TMOD3: variants seen among roughly 807,000 people sequenced by gnomAD.
TMOD3 encodes tropomodulin-3.
A neutral mutation model predicts 39.2 loss-of-function variants in TMOD3; 20 were observed. The observed-to-expected ratio is 0.51, with a 90% confidence interval of 0.36 to 0.74. The LOEUF is 0.74. Among genes scored for constraint, TMOD3 ranks in the 30% least tolerant of loss-of-function variants. The pLI is 0.00. For missense variants in TMOD3, 381 were observed against 412.8 expected, an observed-to-expected ratio of 0.92 and a Z score of 0.67; for synonymous variants, 143 against 145.8, an observed-to-expected ratio of 0.98 and a Z score of 0.14.
rs554561838 is a variant in TMOD3 at position 51,894,514 on chromosome 15, C to T, written c.627+569C>T. On this transcript the variant is annotated intron_variant, in intron 6 of 9. Transcript: ENST00000308580. Reference sequence around the variant, plus strand: ...ATACAATTTTGTACAACCACCATTACACTCAAGATATAGAATATATCTGTC... The same window carrying T: ...ATACAATTTTGTACAACCACCATTATACTCAAGATATAGAATATATCTGTC... 5.9e-5 allele frequency among the ~76,000 whole-genome samples: 9 copies of T among 152,290 alleles called. No individual in the cohort carries two copies. The East Asian group carries it at 1.7e-3, about 29-fold the overall frequency.
At position 51,872,600 on chromosome 15, in the gene TMOD3, G is replaced by GTTT. The variant is rs58973705; in HGVS notation, c.283+3239_283+3241dup. On this transcript the variant is annotated intron_variant, in intron 3 of 9. Coordinates refer to ENST00000308580, the MANE Select transcript of TMOD3 (RefSeq NM_014547.5). ...TATATTTTTTGTGAGGACCAAATTTGTTTTTTTTTTTTTTGGTTTGGTTTT... is the reference window on the plus strand; with the variant it reads ...TATATTTTTTGTGAGGACCAAATTTGTTTTTTTTTTTTTTTTTGGTTTGGTTTT... Among the ~76,000 whole-genome samples the GTTT allele has an allele frequency of 1.8e-3, 232 of 129,874 alleles. 22 individuals carry two copies. Among genetic ancestry groups the GTTT allele is most frequent in the East Asian group, 9.4e-3 (42 of 4,470 alleles). 85.2% of individuals were successfully genotyped at this position (129,874 alleles called of 152,430 possible).
intron 1 of TMOD3, among the ~76,000 whole-genome samples, chr15:51,832,292 G>A (rs978287916): frequency 3.4e-5 from 5 of 145,376 alleles, no homozygotes; most frequent in African/African-American, 1.0e-4. Context: ...ATATACTTAT[G>A]TATAGTCCAC....
rs145517155 is a variant in TMOD3, at chr15:51,885,096, G to A, written c.284-2493G>A. Among the ~76,000 whole-genome samples, 598 of 152,298 alleles carry A rather than the reference G, an allele frequency of 3.9e-3. 6 individuals are homozygous for A. Among genetic ancestry groups the A allele is most frequent in the African/African-American group, 0.014 (583 of 41,574 alleles). On this transcript the variant is annotated intron_variant, in intron 3 of 9. Coordinates refer to ENST00000308580, the MANE Select transcript of TMOD3 (RefSeq NM_014547.5). ...TAAACCAACTTTAATTGGGTATTCT[G>A]TTCTATGCAAGCTTAGTAACCCAAG...
chr15:51,836,184 C>T (rs980621511), intron 1 of TMOD3, among the ~76,000 whole-genome samples: 3 of 152,156 alleles, frequency 2.0e-5, no homozygotes. Flanking sequence ...TTAAAGTGTA[C>T]AGTTCAGTGG....
chr15:51,853,481 G>A (rs185702781), intron 1 of TMOD3, among the ~76,000 whole-genome samples: 19 of 152,286 alleles, frequency 1.2e-4, no homozygotes, highest in African/African-American at 3.1e-4. Flanking sequence ...GATGACAGGC[G>A]TGAGCCACTG....
intron 2 of TMOD3, among the ~76,000 whole-genome samples, chr15:51,868,262 CATAT>C (rs1483370556): frequency 6.6e-6 from 1 of 151,968 alleles, no homozygotes; most frequent in Non-Finnish European, 1.5e-5. Flanking sequence ...ATTCTCTGTA[CATAT>C]ATATACACTG....
At chr15:51,833,829 G>C (rs975486913) in intron 1 of TMOD3, among the ~76,000 whole-genome samples, 1 of 152,182 alleles carries the variant, frequency 6.6e-6, no homozygotes, top group Non-Finnish European at 1.5e-5. Flanking sequence ...TAGGAGCAGA[G>C]TTACTGAGTC....
chr15:51,846,616 G>C (rs2056337366), intron 1 of TMOD3, among the ~76,000 whole-genome samples: 1 of 152,148 alleles, frequency 6.6e-6, no homozygotes, highest in Admixed American at 6.5e-5. Flanking sequence ...TATGCACTTG[G>C]CATGGATTCA....
chr15:51,869,431 G>A lies in TMOD3; in HGVS notation c.283+58G>A, dbSNP rs1304318773. ...TAACACTTGATTTTTCTTTTTATAG[G>A]TGGGTGTGGAGAAAATCATATTTTT... is the stretch of plus-strand genomic sequence containing the variant. On this transcript the variant is annotated intron_variant, in intron 3 of 9. Transcript: ENST00000308580. The A allele has an allele frequency of 3.9e-6, 6 of 1,538,590 alleles. No homozygotes were observed. The East Asian group carries it at 1.1e-4, about 29-fold the overall frequency.
intron 1 of TMOD3, chr15:51,859,195 C>T (rs2056403642): frequency 1.4e-6 from 1 of 730,150 alleles, no homozygotes; most frequent in East Asian, 2.7e-5. Context: ...CACAAACGGC[C>T]AGTCTGATAC....
chr15:51,832,692 A>T (rs748179994), intron 1 of TMOD3, among the ~76,000 whole-genome samples: 5 of 152,120 alleles, frequency 3.3e-5, no homozygotes, highest in Non-Finnish European at 5.9e-5. Flanking sequence ...GAGAAAATCA[A>T]TTATATCTGA....
intron 3 of TMOD3, among the ~76,000 whole-genome samples, chr15:51,882,406 C>T (rs995704525): frequency 2.6e-5 from 4 of 151,604 alleles, no homozygotes; most frequent in African/African-American, 7.3e-5. Flanking sequence ...GGCTGAGGTA[C>T]GAGAATCGCT....
In TMOD3 at chr15:51,863,734, G is replaced by A. The variant is rs1227165910; in HGVS notation, c.126+724G>A. ...TTACCACATTTCTTTATGCCAAGACGTTGATTTTAAGTATCCTCTAAGGAC... is the reference window on the plus strand; with the variant it reads ...TTACCACATTTCTTTATGCCAAGACATTGATTTTAAGTATCCTCTAAGGAC... On this transcript the variant is annotated intron_variant, in intron 2 of 9. Coordinates refer to ENST00000308580, the MANE Select transcript of TMOD3 (RefSeq NM_014547.5). 3.2e-4 allele frequency among the ~76,000 whole-genome samples: 49 copies of A among 152,142 alleles called. 1 individual carries two copies. The highest frequency in any genetic ancestry group is 3.2e-3 in the Admixed American group (49 of 15,278).
At position 51,839,163 on chromosome 15, in the gene TMOD3, C is replaced by CTTTTTTTTTTTTTTTT. The variant is rs111813783; in HGVS notation, c.-75+9328_-75+9329insTTTTTTTTTTTTTTTT. ...TGACAGCTAAGAAATAGGTGTATCTCTCTTTTTTTTTTTTTCCATTTTGTT... is the reference window on the plus strand; with the variant it reads ...TGACAGCTAAGAAATAGGTGTATCTCTTTTTTTTTTTTTTTTTCTTTTTTTTTTTTTCCATTTTGTT... On this transcript the variant is annotated intron_variant, in intron 1 of 9. Transcript: ENST00000308580. Among the ~76,000 whole-genome samples, 25 of 109,812 alleles carry CTTTTTTTTTTTTTTTT rather than the reference C, an allele frequency of 2.3e-4. 2 individuals are homozygous for CTTTTTTTTTTTTTTTT. Among genetic ancestry groups the CTTTTTTTTTTTTTTTT allele is most frequent in the African/African-American group, 3.7e-4 (12 of 32,494 alleles). 72.0% of individuals were successfully genotyped at this position (109,812 alleles called of 152,430 possible).
At chr15:51,843,314 A>G (rs1207433881) in intron 1 of TMOD3, among the ~76,000 whole-genome samples, 1 of 152,154 alleles carries the variant, frequency 6.6e-6, no homozygotes, top group Non-Finnish European at 1.5e-5. Context: ...TGAACTTTGG[A>G]TATCTGTGAG....
At chr15:51,889,002 T>G in intron 4 of TMOD3, 54 bp from the exon 5 acceptor site, 1 of 1,190,360 alleles carries the variant, frequency 8.4e-7, no homozygotes. Context: ...AATTTTTAGT[T>G]GTAAAACTCT....
chr15:51,856,772 C>G (rs2056389953), intron 1 of TMOD3, among the ~76,000 whole-genome samples: 1 of 152,138 alleles, frequency 6.6e-6, no homozygotes, highest in Non-Finnish European at 1.5e-5. Context: ...ATAATACCAA[C>G]AATGAGCAAG....
intron 5 of TMOD3, 119 bp from the exon 6 acceptor site, chr15:51,893,696 C>A: frequency 1.1e-6 from 1 of 936,140 alleles, no homozygotes; most frequent in Non-Finnish European, 1.4e-6. Flanking sequence ...ACCCGGGAGG[C>A]GGAGCTTGCA....
Position 51,862,932 on chromosome 15 carries a change from T to C in TMOD3, c.48T>C (p.Asp16=). The change falls in exon 2 of 10, where the codon GAT becomes GAC. Residue 16 remains aspartate (D), a synonymous_variant. Coordinates refer to ENST00000308580, the MANE Select transcript of TMOD3 (RefSeq NM_014547.5). ...RKDLEKYKDL[D]EDELLGNLSE... is the part of the protein sequence containing the mutation. ...ACTTAGAAAAGTACAAAGACCTTGATGAAGATGAGCTCCTTGGGAATCTGT... is the reference window on the plus strand; with the variant it reads ...ACTTAGAAAAGTACAAAGACCTTGACGAAGATGAGCTCCTTGGGAATCTGT... 1 of 1,614,084 alleles carries C rather than the reference T, an allele frequency of 6.2e-7. No individual in the cohort carries two copies. Among genetic ancestry groups the C allele is most frequent in the Non-Finnish European group, 8.5e-7 (1 of 1,179,958 alleles).
Sources: allele counts gnomAD v4.1 joint callset (sites outside exome capture counted in the v4.1 genomes callset), GRCh38; gene constraint gnomAD v4.1.1; transcripts MANE v1.5; gene names NCBI Gene and HGNC (gene_info 2026-07-23, HGNC 2026-07-21).